Variants in TM7SF3 observed in about 807,000 individuals in gnomAD.
The protein encoded by TM7SF3 is transmembrane 7 superfamily member 3.
TM7SF3 carries 60 observed loss-of-function variants against 65.5 expected under a neutral mutation model. That is an observed-to-expected ratio of 0.92 (90% confidence interval 0.74 to 1.14). The LOEUF (loss-of-function observed/expected upper bound fraction) is 1.14, where lower values mean the gene tolerates loss of function less well. TM7SF3 is among the 50% of genes most tolerant of loss of function. TM7SF3 has a pLI of 0.00. For synonymous variants in TM7SF3, 264 were observed against 259.6 expected (o/e 1.02, Z -0.16); for missense variants, 623 against 684.8 (o/e 0.91, Z 1.01).
Position 26,996,929 on chromosome 12 carries a change from C to G in TM7SF3, c.398-67G>C, listed in dbSNP as rs186598466. ...CATATCCAAATCATACTCAGAAAAA[C>G]AGAACTCTATCTACTCTTACAAAAA... On this transcript the variant is annotated intron_variant, in intron 3 of 11. Coordinates refer to ENST00000343028, the MANE Select transcript of TM7SF3 (RefSeq NM_016551.3). 828 of 1,515,968 alleles carry G rather than the reference C, an allele frequency of 5.5e-4. 1 individual carries two copies. Among genetic ancestry groups the G allele is most frequent in the Non-Finnish European group, 7.0e-4 (791 of 1,132,350 alleles). The allele number at this position is 1,515,968 out of a possible 1,614,324, so 93.9% of individuals were successfully genotyped here.
Position 26,972,293 on chromosome 12 carries a change from T to C in TM7SF3, c.*1672A>G, listed in dbSNP as rs146792150. The C allele has an allele frequency of 2.0e-5, 3 of 152,364 alleles. No individual in the cohort carries two copies. Among genetic ancestry groups the C allele is most frequent in the Admixed American group, 6.5e-5 (1 of 15,298 alleles). The allele number at this position is 152,364 out of a possible 1,614,324, so 9.4% of individuals were successfully genotyped here. A position where few individuals can be genotyped will look rare whatever the true frequency, so the allele number is the denominator to read the frequency against. On this transcript the variant is annotated 3_prime_UTR_variant, in exon 12 of 12. Coordinates refer to ENST00000343028, the MANE Select transcript of TM7SF3 (RefSeq NM_016551.3). ...CTCATCACTTTAAGGATGAAGCCTT[T>C]CTGTACAAAGGCTTTGTACAGAAAT... is the stretch of plus-strand genomic sequence containing the variant.
rs1213134209 is a variant in TM7SF3 at position 26,972,944 on chromosome 12, A to ATG, written c.*1020_*1021insCA. Among the ~76,000 whole-genome samples the ATG allele has an allele frequency of 6.6e-6, 1 of 152,182 alleles. No individual in the cohort carries two copies. The highest frequency in any genetic ancestry group is 1.9e-4 in the East Asian group (1 of 5,204). On this transcript the variant is annotated 3_prime_UTR_variant, in exon 12 of 12. Transcript: ENST00000343028. ...ATATAAATTGGCCTATTTTCAAATA[A>ATG]TAATTTAGCTATTTCAATTACCATT... is the stretch of plus-strand genomic sequence containing the variant.
Position 26,999,667 on chromosome 12 carries a change from A to G in TM7SF3, c.256T>C (p.Ser86Pro), listed in dbSNP as rs1350310729. The change falls in exon 3 of 12, where the codon TCC becomes CCC. Residue 86 changes from serine (S) to proline (P), a missense_variant. By Grantham distance (74) the Ser-to-Pro change is moderately conservative (BLOSUM62 -1). Transcript: ENST00000343028. ...TTVSFSPTLL[S>P]NSSETGTASG... ...GCAGTGCCTGTTTCCGAGGAATTGG[A>G]AAGGAGAGTCTGCAGTCCAGAAGAA... 6.2e-7 allele frequency: 1 copy of G among 1,614,130 alleles called. No homozygotes were observed. The highest frequency in any genetic ancestry group is 8.5e-7 in the Non-Finnish European group (1 of 1,180,026).
At chr12:26,999,462 TAA>T in intron 3 of TM7SF3, 62 bp downstream of exon 3, 2 of 1,534,922 alleles carry the variant, frequency 1.3e-6, no homozygotes, top group Admixed American at 1.8e-5. Flanking sequence ...TAATTTTCCT[TAA>T]AGTTTCATGA....
At chr12:26,985,969 A>G (rs1410843582) in intron 6 of TM7SF3, among the ~76,000 whole-genome samples, 4 of 148,100 alleles carry the variant, frequency 2.7e-5, no homozygotes, top group Admixed American at 6.7e-5. Flanking sequence ...ACAGGCGCCC[A>G]CCACCATGCC....
intron 6 of TM7SF3, among the ~76,000 whole-genome samples, chr12:26,984,071 G>A (rs1939934570): frequency 6.6e-6 from 1 of 152,184 alleles, no homozygotes; most frequent in South Asian, 2.1e-4. Flanking sequence ...AGACAGAAGA[G>A]CAGAATTCAC....
intron 6 of TM7SF3, chr12:26,983,563 G>A (rs1391654086): frequency 2.2e-6 from 1 of 455,156 alleles, no homozygotes; most frequent in East Asian, 6.9e-5. Flanking sequence ...GGAGGGTGAT[G>A]AGGTGGAGAG....
intron 1 of TM7SF3, among the ~76,000 whole-genome samples, chr12:27,008,287 C>T (rs1429768894): frequency 6.6e-6 from 1 of 152,136 alleles, no homozygotes; most frequent in Non-Finnish European, 1.5e-5. Flanking sequence ...CCTAATTACT[C>T]ATGGGTGTTA....
rs375220805 is a variant in TM7SF3, at chr12:26,974,101, C to T, written c.1577G>A (p.Arg526His). 8.7e-6 allele frequency: 14 copies of T among 1,614,050 alleles called. No individual in the cohort carries two copies. Among genetic ancestry groups the T allele is most frequent in the East Asian group, 4.5e-5 (2 of 44,894 alleles). Residue 526 changes from arginine to histidine, a missense_variant, in exon 12 of 12, where the codon CGC becomes CAC. Physicochemically the swap from Arg to His is conservative, Grantham distance 29. Coordinates refer to ENST00000343028, the MANE Select transcript of TM7SF3 (RefSeq NM_016551.3). ...AGGGTCCAGAATGTTTGTCACTCGGCGCTCTCTCTCTTGCTTCCATAACTT... is the reference window on the plus strand; with the variant it reads ...AGGGTCCAGAATGTTTGTCACTCGGTGCTCTCTCTCTTGCTTCCATAACTT... ...PYKLWKQERE[R>H]RVTNILDPSY...
In TM7SF3 at chr12:26,995,371, G is replaced by A; in HGVS notation, c.556C>T (p.Gln186Ter). The change falls in exon 5 of 12, where the codon CAG (glutamine) becomes TAG (stop). Residue 186 changes from glutamine to a stop codon, truncating the protein, a stop_gained. Coordinates refer to ENST00000343028, the MANE Select transcript of TM7SF3 (RefSeq NM_016551.3). LOFTEE classifies it high-confidence loss of function. ...TACTGCAACCTCCACCTGGAGTCCTGGTCTGTCCCAGCGTCACATGGTGGG... is the reference window on the plus strand; with the variant it reads ...TACTGCAACCTCCACCTGGAGTCCTAGTCTGTCCCAGCGTCACATGGTGGG... Reference protein sequence around the residue: ...DPPPCDAGTDQDSRWRLQYDV... With the variant: ...DPPPCDAGTD The A allele has an allele frequency of 1.2e-6, 2 of 1,614,134 alleles. No individual in the cohort carries two copies. The highest frequency in any genetic ancestry group is 1.7e-6 in the Non-Finnish European group (2 of 1,180,026).
chr12:26,972,860 A>G lies in TM7SF3; in HGVS notation c.*1105T>C, dbSNP rs1939417241. 6.7e-6 allele frequency among the ~76,000 whole-genome samples: 1 copy of G among 148,382 alleles called. No homozygotes were observed. Among genetic ancestry groups the G allele is most frequent in the South Asian group, 2.1e-4 (1 of 4,690 alleles). The stretch of plus-strand genomic sequence containing the variant: ...GTTGACACTATTTGAAAAGGCCTTG[A>G]AAAAAAAAAGGGGGCCATTATTTGG... On this transcript the variant is annotated 3_prime_UTR_variant, in exon 12 of 12. Transcript: ENST00000343028.
chr12:26,991,403 C>T lies in TM7SF3; in HGVS notation c.691-776G>A, dbSNP rs1055443287. 2.6e-5 allele frequency among the ~76,000 whole-genome samples: 4 copies of T among 152,122 alleles called. No individual in the cohort carries two copies. In the South Asian group the frequency reaches 6.2e-4, roughly 24 times the overall value. The stretch of plus-strand genomic sequence containing the variant: ...TCCTGACCTCATGATCCACCCGCCT[C>T]GGCCTCCCAAAGTGCTGGGATTACA... On this transcript the variant is annotated intron_variant, in intron 5 of 11. Coordinates refer to ENST00000343028, the MANE Select transcript of TM7SF3 (RefSeq NM_016551.3).
intron 1 of TM7SF3, among the ~76,000 whole-genome samples, chr12:27,009,693 C>T (rs1941174594): frequency 6.6e-6 from 1 of 152,136 alleles, no homozygotes; most frequent in Admixed American, 6.6e-5. Flanking sequence ...CCACAGCACC[C>T]GACCCTGCTT....
At chr12:26,989,835 T>G (rs565895885) in intron 6 of TM7SF3, among the ~76,000 whole-genome samples, 140 of 152,314 alleles carry the variant, frequency 9.2e-4, no homozygotes, top group Non-Finnish European at 1.6e-3. Flanking sequence ...TAAAATATCT[T>G]AGATCATGGC....
At position 26,995,264 on chromosome 12, in the gene TM7SF3, C is replaced by T. The variant is rs1213371286; in HGVS notation, c.663G>A (p.Val221=). Residue 221 remains valine (V), a synonymous_variant, in exon 5 of 12, where the codon GTG becomes GTA. Coordinates refer to ENST00000343028, the MANE Select transcript of TM7SF3 (RefSeq NM_016551.3). ...LLKHLQRMVS[V]PQVKASALKV... is the part of the protein sequence containing the mutation. The stretch of plus-strand genomic sequence containing the variant: ...TGAGAGCACTGGCCTTCACCTGGGG[C>T]ACACTGACCATCCTCTGCAGATGCT... 1 of 1,614,108 alleles carries T rather than the reference C, an allele frequency of 6.2e-7. No homozygotes were observed. The highest frequency in any genetic ancestry group is 2.2e-5 in the East Asian group (1 of 44,890).
chr12:27,003,536 CA>C, intron 1 of TM7SF3, 146 bp from the exon 2 acceptor site: 1 of 745,928 alleles, frequency 1.3e-6, no homozygotes, highest in Non-Finnish European at 2.1e-6. Context: ...CTGCTAAAGA[CA>C]ATGTGGCTTA....
intron 1 of TM7SF3, chr12:27,012,995 C>CAAAAA (rs772325397): frequency 8.5e-5 from 10 of 117,042 alleles, no homozygotes; most frequent in South Asian, 5.9e-4. Flanking sequence ...GAGACTCCGT[C>CAAAAA]AAAAAAAAAA....
chr12:26,973,028 TAAG>T lies in TM7SF3; in HGVS notation c.*934_*936del, dbSNP rs945130996. ...ACTGAATTGTACACTTAAACATGAA[TAAG>T]AAGGTAAATTTCATGTGTATTTTAT... On this transcript the variant is annotated 3_prime_UTR_variant, in exon 12 of 12. Transcript: ENST00000343028. Among the ~76,000 whole-genome samples, 5 of 151,766 alleles carry T rather than the reference TAAG, an allele frequency of 3.3e-5. No individual in the cohort carries two copies. Among genetic ancestry groups the T allele is most frequent in the Admixed American group, 6.6e-5 (1 of 15,234 alleles).
intron 5 of TM7SF3, among the ~76,000 whole-genome samples, chr12:26,990,878 AT>A (rs1940325737): frequency 6.6e-6 from 1 of 152,212 alleles, no homozygotes; most frequent in Non-Finnish European, 1.5e-5. Flanking sequence ...GATATAAACA[AT>A]GTATAAATGC....
Sources: allele counts gnomAD v4.1 joint callset (sites outside exome capture counted in the v4.1 genomes callset), GRCh38; gene constraint gnomAD v4.1.1; transcripts MANE v1.5; gene names NCBI Gene and HGNC (gene_info 2026-07-23, HGNC 2026-07-21).